Variants in DYNLT5 observed in about 807,000 individuals in gnomAD.
The protein encoded by DYNLT5 is dynein light chain Tctex-type family member 5.
A neutral mutation model predicts 19.3 loss-of-function variants in DYNLT5; 25 were observed. The observed-to-expected ratio is 1.30, with a 90% CI of 0.95 to 1.81. The LOEUF (loss-of-function observed/expected upper bound fraction) is 1.81. Ranked by LOEUF, DYNLT5 falls within the 40% of genes most tolerant of loss-of-function variation. The pLI is 0.00. For missense variants in DYNLT5, 232 were observed against 217.9 expected (o/e 1.06, Z -0.41); for synonymous variants, 82 against 68.9 (o/e 1.19, Z -0.94).
chr1:66,769,589 A>G (rs961677570), intron 2 of DYNLT5, among the ~76,000 whole-genome samples: 5 of 152,040 alleles, frequency 3.3e-5, no homozygotes, highest in Non-Finnish European at 7.4e-5. Flanking sequence ...TTGAAATGAC[A>G]TCTGTCTTAA....
chr1:66,766,153 A>T (rs2094654561), intron 2 of DYNLT5, among the ~76,000 whole-genome samples: 1 of 152,182 alleles, frequency 6.6e-6, no homozygotes, highest in Non-Finnish European at 1.5e-5. Context: ...TTGCCAATTG[A>T]ATTTTTTTCT....
At chr1:66,759,649 C>A (rs1459920332) in intron 2 of DYNLT5, among the ~76,000 whole-genome samples, 2 of 152,000 alleles carry the variant, frequency 1.3e-5, no homozygotes, top group African/African-American at 2.4e-5. Flanking sequence ...CACTTTCAAG[C>A]AGAAAAAATA....
chr1:66,755,151 A>G (rs1408780639), intron 2 of DYNLT5, among the ~76,000 whole-genome samples: 1 of 152,212 alleles, frequency 6.6e-6, no homozygotes, highest in Non-Finnish European at 1.5e-5. Flanking sequence ...ACATTATTGT[A>G]TATAATTTTG....
intron 3 of DYNLT5, 36 bp from the exon 4 acceptor site, chr1:66,776,243 T>C (rs1254679177): frequency 6.2e-7 from 1 of 1,606,316 alleles, no homozygotes; most frequent in Non-Finnish European, 8.5e-7. Context: ...TGATTTGAAA[T>C]TACTTTTTAG....
In DYNLT5 at chr1:66,776,340, C is replaced by T; in HGVS notation, c.273C>T (p.Ser91=). The T allele has an allele frequency of 6.2e-7, 1 of 1,613,450 alleles. No individual in the cohort carries two copies. The highest frequency in any genetic ancestry group is 1.1e-5 in the South Asian group (1 of 90,962). ...VNHILKDVVT[S]YLQVEEYEPE... ...ATATTTTGAAAGATGTAGTAACCAG[C>T]TATCTACAAGTAGAAGAATATGAAC... The change falls in exon 4 of 5, where the codon AGC becomes AGT. Residue 91 remains serine, a synonymous_variant. Coordinates refer to ENST00000282670, the MANE Select transcript of DYNLT5 (RefSeq NM_152665.3).
chr1:66,762,592 A>G (rs2094647922), intron 2 of DYNLT5, among the ~76,000 whole-genome samples: 1 of 152,216 alleles, frequency 6.6e-6, no homozygotes, highest in African/African-American at 2.4e-5. Flanking sequence ...AATGTTCTCA[A>G]TGGCTTCTAG....
chr1:66,770,359 TA>T (rs767470656), intron 2 of DYNLT5, 27 bp from the exon 3 acceptor site: 5 of 1,429,876 alleles, frequency 3.5e-6, no homozygotes, highest in Non-Finnish European at 4.9e-6. Flanking sequence ...TAATAATGAC[TA>T]AAATTTGTTT....
At chr1:66,755,322 C>G (rs1203638609) in intron 2 of DYNLT5, among the ~76,000 whole-genome samples, 1 of 151,724 alleles carries the variant, frequency 6.6e-6, no homozygotes, top group African/African-American at 2.4e-5. Flanking sequence ...TGGTCATTTC[C>G]CAGAAGAATA....
chr1:66,776,126 A>G lies in DYNLT5; in HGVS notation c.212-153A>G. 4.1e-6 allele frequency: 4 copies of G among 964,820 alleles called. No individual in the cohort carries two copies. In the South Asian group the frequency reaches 6.6e-5, roughly 16 times the overall value. The allele number at this position is 964,820 out of a possible 1,614,324, so 59.8% of individuals were successfully genotyped here. ...CTTGTTCTCTCTCAGAGCACTTGAC[A>G]GGAAACCTAATTAGAGCCACTTGTT... On this transcript the variant is annotated intron_variant, in intron 3 of 4. Coordinates refer to ENST00000282670, the MANE Select transcript of DYNLT5 (RefSeq NM_152665.3).
rs1379943987 is a variant in DYNLT5, at chr1:66,778,724, T to A, written c.*1270T>A. The A allele has an allele frequency of 2.6e-5, 4 of 152,480 alleles. No homozygotes were observed. Among genetic ancestry groups the A allele is most frequent in the Admixed American group, 2.6e-4 (4 of 15,272 alleles). 9.4% of individuals were successfully genotyped at this position (152,480 alleles called of 1,614,324 possible). ...CCTAAAAATGACATGTAGTAAAAAA[T>A]GGATACTTTTAAAATCCCTTCCCTT... is the stretch of plus-strand genomic sequence containing the variant. On this transcript the variant is annotated 3_prime_UTR_variant, in exon 5 of 5. Coordinates refer to ENST00000282670, the MANE Select transcript of DYNLT5 (RefSeq NM_152665.3).
Position 66,777,260 on chromosome 1 carries a change from G to T in DYNLT5, c.346G>T (p.Ala116Ser). The change falls in exon 5 of 5, where the codon GCC (alanine) becomes TCC (serine). Residue 116 changes from alanine to serine, a missense_variant. Ala to Ser is a moderately conservative substitution (Grantham distance 99). Coordinates refer to ENST00000282670, the MANE Select transcript of DYNLT5 (RefSeq NM_152665.3). Reference sequence around the variant, plus strand: ...TTTTTTAAATTTCTAGGTTATTAAAGCCCAGGTCAAGGACTTGATGATTCC... The same window carrying T: ...TTTTTTAAATTTCTAGGTTATTAAATCCCAGGTCAAGGACTTGATGATTCC... ...MTKTISEVIK[A>S]QVKDLMIPRY... 6.2e-7 allele frequency: 1 copy of T among 1,607,904 alleles called. No homozygotes were observed. Among genetic ancestry groups the T allele is most frequent in the South Asian group, 1.1e-5 (1 of 90,526 alleles).
intron 2 of DYNLT5, among the ~76,000 whole-genome samples, chr1:66,769,200 T>A (rs1016276055): frequency 1.3e-5 from 2 of 152,144 alleles, no homozygotes; most frequent in Non-Finnish European, 2.9e-5. Context: ...GCAGGTGTTA[T>A]AAGAATAAAG....
chr1:66,770,444 C>G lies in DYNLT5; in HGVS notation c.177C>G (p.Arg59=), dbSNP rs1645197588. The G allele has an allele frequency of 3.7e-6, 6 of 1,613,418 alleles. No individual in the cohort carries two copies. In the East Asian group the frequency reaches 1.3e-4, roughly 36 times the overall value. Residue 59 remains arginine (R), a synonymous_variant, in exon 3 of 5, where the codon CGC becomes CGG. Coordinates refer to ENST00000282670, the MANE Select transcript of DYNLT5 (RefSeq NM_152665.3). ...EEPSQRDDIS[R]LTVQMENTYQ... is the part of the protein sequence containing the mutation. ...CCAGTCAGCGTGATGATATCTCTCG[C>G]CTTACAGTTCAGATGGAAAACACCT...
intron 2 of DYNLT5, among the ~76,000 whole-genome samples, chr1:66,763,488 C>T (rs1403235133): frequency 6.6e-6 from 1 of 152,210 alleles, no homozygotes; most frequent in Non-Finnish European, 1.5e-5. Flanking sequence ...TGAAATAAGA[C>T]TGTTTCATCT....
intron 2 of DYNLT5, among the ~76,000 whole-genome samples, chr1:66,760,151 T>G (rs1022752962): frequency 6.6e-6 from 1 of 152,206 alleles, no homozygotes; most frequent in African/African-American, 2.4e-5. Flanking sequence ...CTTAACCTGC[T>G]CTATTTTTTC....
chr1:66,768,596 T>C (rs928748650), intron 2 of DYNLT5: 2 of 152,228 alleles, frequency 1.3e-5, no homozygotes, highest in African/African-American at 4.8e-5. Context: ...CTTCAGTAAC[T>C]GATAGTGAAG....
In DYNLT5 at chr1:66,777,446, C is replaced by T; in HGVS notation, c.532C>T (p.Leu178Phe). 1.2e-6 allele frequency: 2 copies of T among 1,611,848 alleles called. No individual in the cohort carries two copies. The highest frequency in any genetic ancestry group is 1.7e-4 in the Middle Eastern group (1 of 6,042). The change falls in exon 5 of 5, where the codon CTT (leucine) becomes TTT (phenylalanine). Residue 178 changes from leucine (L) to phenylalanine (F), a missense_variant. Coordinates refer to ENST00000282670, the MANE Select transcript of DYNLT5 (RefSeq NM_152665.3). ...FALANVYAVY[L>F]E is the part of the protein sequence containing the mutation. ...TCTTGCAAATGTCTATGCAGTTTAC[C>T]TTGAGTGATTGAAAATAAGAAATCT...
intron 1 of DYNLT5, 54 bp from the exon 2 acceptor site, chr1:66,754,602 C>T: frequency 6.5e-7 from 1 of 1,546,066 alleles, no homozygotes; most frequent in South Asian, 1.3e-5. Flanking sequence ...GTTATACTAA[C>T]TAAAATGTTT....
intron 3 of DYNLT5, among the ~76,000 whole-genome samples, chr1:66,775,894 C>G (rs1645231572): frequency 6.6e-6 from 1 of 152,072 alleles, no homozygotes; most frequent in Non-Finnish European, 1.5e-5. Flanking sequence ...ACACTTTAGA[C>G]CTCGCTAAGG....
Sources: gnomAD v4.1 joint callset for allele counts (sites outside exome capture counted in the v4.1 genomes callset) on GRCh38, gnomAD v4.1.1 for gene constraint, MANE v1.5 for transcripts, NCBI Gene and HGNC (gene_info 2026-07-23, HGNC 2026-07-21) for gene names.